The following ZNF707 variants were observed in gnomAD, a reference collection of about 807,000 sequenced individuals.
The protein encoded by ZNF707 is zinc finger protein 707.
In ZNF707, 8 loss-of-function variants were observed where a neutral mutation model predicts 13.3. The ratio of observed to expected loss-of-function variants is 0.60; its 90% CI spans 0.35 to 1.09. The LOEUF (loss-of-function observed/expected upper bound fraction) is 1.09, where lower values mean the gene tolerates loss of function less well. Among genes scored for constraint, ZNF707 ranks in the 50% least tolerant of loss-of-function variants. The pLI, the probability that ZNF707 is intolerant of heterozygous loss-of-function variation, is 0.02. For missense variants in ZNF707, 530 were observed against 512.6 expected (o/e 1.03, Z -0.33); for synonymous variants, 225 against 205.6 (o/e 1.09, Z -0.81).
chr8:143,684,481 A>G lies in ZNF707; in HGVS notation c.-212A>G, dbSNP rs1816059196. 1 of 151,810 alleles carries G rather than the reference A, an allele frequency of 6.6e-6. No homozygotes were observed. The highest frequency in any genetic ancestry group is 2.4e-5 in the African/African-American group (1 of 41,294). 9.4% of individuals were successfully genotyped at this position (151,810 alleles called of 1,614,324 possible). On this transcript the variant is annotated 5_prime_UTR_variant, in exon 1 of 6. Coordinates refer to ENST00000358656, the MANE Select transcript of ZNF707 (RefSeq NM_001100598.2). Reference sequence around the variant, plus strand: ...AACAACTTCCGCTCGGGAAGTTTGTAAAAGTCTGGGCTACCGGCGCGGCGT... The same window carrying G: ...AACAACTTCCGCTCGGGAAGTTTGTGAAAGTCTGGGCTACCGGCGCGGCGT...
Position 143,694,922 on chromosome 8 carries a change from C to T in ZNF707, c.*392C>T. On this transcript the variant is annotated 3_prime_UTR_variant, in exon 6 of 6. Transcript: ENST00000358656. The surrounding 1 kb of genome is among the most constrained non-coding windows in gnomAD (Gnocchi z 4.4). ...CCGAGTCGCCGTCTGCTGGGCCTTT[C>T]CTTCCTGGCTCTGCACCCCATGCTG... 4.9e-6 allele frequency: 1 copy of T among 203,334 alleles called. No individual in the cohort carries two copies. Among genetic ancestry groups the T allele is most frequent in the Non-Finnish European group, 9.9e-6 (1 of 101,266 alleles). The allele number at this position is 203,334 out of a possible 1,614,324, so 12.6% of individuals were successfully genotyped here.
In ZNF707 at chr8:143,685,770, G is replaced by A. The variant is rs535297382; in HGVS notation, c.-151+1228G>A. 3.9e-5 allele frequency among the ~76,000 whole-genome samples: 6 copies of A among 152,280 alleles called. 1 individual carries two copies. In the South Asian group the frequency reaches 6.2e-4, roughly 16 times the overall value. On this transcript the variant is annotated intron_variant, in intron 1 of 5. Transcript: ENST00000358656. ...AGGTGGGAGGATCACTTGAGCCCAG[G>A]AGGTCGAGGCTGCAGTGAGCTGTGA...
intron 1 of ZNF707, chr8:143,688,635 CTTTTTTTTTTTTTTT>C (rs34379518): frequency 1.1e-5 from 1 of 88,486 alleles, no homozygotes; most frequent in Non-Finnish European, 2.2e-5. Context: ...TTTGTAATAT[CTTTTTTTTTTTTTTT>C]TTTTTTTTCA....
intron 1 of ZNF707, among the ~76,000 whole-genome samples, chr8:143,686,611 T>A (rs925990062): frequency 6.6e-6 from 1 of 152,206 alleles, no homozygotes. Flanking sequence ...CTTTGTCAGA[T>A]ACATGTATTG....
At chr8:143,690,175 T>A in intron 3 of ZNF707, 52 bp downstream of exon 3, 1 of 1,597,616 alleles carries the variant, frequency 6.3e-7, no homozygotes, top group Non-Finnish European at 8.5e-7. Flanking sequence ...GCTGGCTGCC[T>A]GAGACCCCAG....
intron 3 of ZNF707, 104 bp downstream of exon 3, chr8:143,690,227 C>A: frequency 6.8e-7 from 1 of 1,470,864 alleles, no homozygotes; most frequent in Non-Finnish European, 9.3e-7. Flanking sequence ...TTCCCAGGCA[C>A]TGTGCCCGTG....
At chr8:143,686,086 G>GT (rs368455685) in intron 1 of ZNF707, among the ~76,000 whole-genome samples, 120 of 148,814 alleles carry the variant, frequency 8.1e-4, no homozygotes, top group African/African-American at 2.5e-3. Flanking sequence ...GGGAGAGGGT[G>GT]TTTTTTTTTT....
chr8:143,684,764 G>C (rs1018724788), intron 1 of ZNF707: 1 of 152,418 alleles, frequency 6.6e-6, no homozygotes, highest in African/African-American at 2.4e-5. Context: ...AGGTTTGTCA[G>C]GACCCGGTTG....
chr8:143,691,128 G>A lies in ZNF707; in HGVS notation c.71G>A (p.Cys24Tyr). Residue 24 changes from cysteine to tyrosine, a missense_variant, in exon 4 of 6, where the codon TGT becomes TAT. Cys to Tyr is a radical substitution (Grantham distance 194). Transcript: ENST00000358656. ...TACTTCTCAAGGGAGGAGTGGGCGT[G>A]TCTGGAACCCAGCCAGAGGGCCCTC... ...AIYFSREEWA[C>Y]LEPSQRALYR... is the part of the protein sequence containing the mutation. 6.2e-7 allele frequency: 1 copy of A among 1,613,878 alleles called. No individual in the cohort carries two copies. Among genetic ancestry groups the A allele is most frequent in the Non-Finnish European group, 8.5e-7 (1 of 1,179,856 alleles).
chr8:143,686,596 A>G (rs544238081), intron 1 of ZNF707, among the ~76,000 whole-genome samples: 1 of 152,168 alleles, frequency 6.6e-6, no homozygotes, highest in Non-Finnish European at 1.5e-5. Flanking sequence ...TTCTTTATAT[A>G]AGTCCTTTGT....
Position 143,691,058 on chromosome 8 carries a change from CTG to C in ZNF707, c.16-7_16-6del. The C allele has an allele frequency of 6.2e-7, 1 of 1,613,646 alleles. No individual in the cohort carries two copies. Among genetic ancestry groups the C allele is most frequent in the Middle Eastern group, 1.6e-4 (1 of 6,062 alleles). ...TTCTTGGGAATGGCCTCTTCGGGAG[CTG>C]TGTGTGTTGCAGGAGCCAGTGACCT... is the stretch of plus-strand genomic sequence containing the variant. On this transcript the variant is annotated splice_polypyrimidine_tract_variant and intron_variant, in intron 3 of 5. Coordinates refer to ENST00000358656, the MANE Select transcript of ZNF707 (RefSeq NM_001100598.2).
intron 3 of ZNF707, 197 bp from the exon 4 acceptor site, chr8:143,690,876 C>G (rs1816742487): frequency 5.7e-6 from 4 of 703,410 alleles, no homozygotes; most frequent in South Asian, 2.0e-5. Context: ...TCTGACCTCA[C>G]TTAACCTTAA....
Position 143,694,773 on chromosome 8 carries a change from C to T in ZNF707, c.*243C>T, listed in dbSNP as rs1440613322. ...AGATGGCGGGGGCTGCGCCCCGGCGCCGGGCATCCTGGGGATGTGCTGAGA... is the reference window on the plus strand; with the variant it reads ...AGATGGCGGGGGCTGCGCCCCGGCGTCGGGCATCCTGGGGATGTGCTGAGA... On this transcript the variant is annotated 3_prime_UTR_variant, in exon 6 of 6. Coordinates refer to ENST00000358656, the MANE Select transcript of ZNF707 (RefSeq NM_001100598.2). This position sits in a 1 kb window ranked among gnomAD's most constrained non-coding sequence, Gnocchi z 4.4. 3 of 503,174 alleles carry T rather than the reference C, an allele frequency of 6.0e-6. No individual in the cohort carries two copies. Among genetic ancestry groups the T allele is most frequent in the Non-Finnish European group, 1.0e-5 (3 of 289,528 alleles). The allele number at this position is 503,174 out of a possible 1,614,324, so 31.2% of individuals were successfully genotyped here.
intron 1 of ZNF707, among the ~76,000 whole-genome samples, chr8:143,687,733 G>A (rs1816419873): frequency 6.6e-6 from 1 of 152,200 alleles, no homozygotes; most frequent in Admixed American, 6.5e-5. Context: ...GCAGTGGGCA[G>A]ACAGCCCTGC....
At chr8:143,691,741 G>A (rs1027149064) in intron 5 of ZNF707, 28 bp downstream of exon 5, 12 of 1,540,448 alleles carry the variant, frequency 7.8e-6, no homozygotes, top group Middle Eastern at 4.0e-4. Flanking sequence ...TGGGCTCGGC[G>A]GGCCCCGTCC....
chr8:143,684,590 G>C (rs1816076197), intron 1 of ZNF707, 48 bp downstream of exon 1: 1 of 152,348 alleles, frequency 6.6e-6, no homozygotes, highest in Non-Finnish European at 1.5e-5. Flanking sequence ...TGGGTCGTGG[G>C]CTGTCAAACC....
chr8:143,686,260 T>C (rs1295296141), intron 1 of ZNF707, among the ~76,000 whole-genome samples: 1 of 151,576 alleles, frequency 6.6e-6, no homozygotes, highest in African/African-American at 2.4e-5. Context: ...GTAGTAGAGA[T>C]GGGGTTTCAC....
chr8:143,686,371 C>T (rs535092963), intron 1 of ZNF707, among the ~76,000 whole-genome samples: 124 of 152,036 alleles, frequency 8.2e-4, no homozygotes, highest in African/African-American at 2.7e-3. Context: ...CGCGAATGGC[C>T]GGGAGCTGTT....
intron 1 of ZNF707, chr8:143,688,900 G>C (rs1816539713): frequency 6.6e-6 from 1 of 152,326 alleles, no homozygotes; most frequent in Non-Finnish European, 1.5e-5. Context: ...TTACAGGCGT[G>C]AGCCACTGTG....
Sources: gnomAD v4.1 joint callset for allele counts (sites outside exome capture counted in the v4.1 genomes callset) on GRCh38, gnomAD v4.1.1 for gene constraint, Gnocchi (gnomAD v3.1) non-coding constraint, MANE v1.5 for transcripts, NCBI Gene and HGNC (gene_info 2026-07-23, HGNC 2026-07-21) for gene names.